Variants in CDH18 observed in about 807,000 individuals in gnomAD.
The protein encoded by CDH18 is cadherin 18.
In CDH18, 31 loss-of-function variants were observed where a neutral mutation model predicts 67.9. That is an observed-to-expected ratio of 0.46 (90% CI 0.34 to 0.62). The LOEUF is 0.62. CDH18 is among the 20% of genes least tolerant of loss of function. CDH18 has a pLI of 0.01. For synonymous variants in CDH18, 362 were observed against 347.2 expected, an observed-to-expected ratio of 1.04 and a Z score of -0.48; for missense variants, 890 against 975.5, an observed-to-expected ratio of 0.91 and a Z score of 1.17.
intron 11 of CDH18, among the ~76,000 whole-genome samples, chr5:19,500,816 A>T (rs966523292): frequency 6.6e-6 from 1 of 152,126 alleles, no homozygotes; most frequent in Non-Finnish European, 1.5e-5. Flanking sequence ...AAATCATTTA[A>T]TTAAGACATT....
intron 2 of CDH18, among the ~76,000 whole-genome samples, chr5:19,919,234 C>T (rs1579591967): frequency 6.6e-6 from 1 of 150,626 alleles, no homozygotes; most frequent in East Asian, 1.9e-4. Context: ...TGTCCCTCTT[C>T]ATCTGGCTGT....
chr5:19,612,339 T>A lies in CDH18; in HGVS notation c.811+95A>T, dbSNP rs1025727036. ...TAGTACAAAAACAGAACAATTCCAC[T>A]TAAGAAAACAGTAACATAACACTGT... On this transcript the variant is annotated intron_variant, in intron 6 of 12. Coordinates refer to ENST00000382275, the MANE Select transcript of CDH18 (RefSeq NM_004934.5). The A allele has an allele frequency of 1.9e-5, 24 of 1,247,164 alleles. No homozygotes were observed. In the African/African-American group the frequency reaches 3.3e-4, roughly 17 times the overall value. The allele number at this position is 1,247,164 out of a possible 1,614,324, so 77.3% of individuals were successfully genotyped here.
At chr5:20,461,704 C>A (rs896855107) in intron 1 of CDH18, among the ~76,000 whole-genome samples, 8 of 152,098 alleles carry the variant, frequency 5.3e-5, no homozygotes, top group African/African-American at 1.9e-4. Flanking sequence ...GACTCTTAAA[C>A]ATAGTATATA....
At chr5:20,177,405 T>A (rs1389466513) in intron 2 of CDH18, among the ~76,000 whole-genome samples, 2 of 152,154 alleles carry the variant, frequency 1.3e-5, no homozygotes, top group East Asian at 3.9e-4. Flanking sequence ...TCTATATGAA[T>A]CCATTTGAGA....
intron 1 of CDH18, among the ~76,000 whole-genome samples, chr5:20,300,677 C>G (rs1747907375): frequency 6.6e-6 from 1 of 152,124 alleles, no homozygotes; most frequent in African/African-American, 2.4e-5. Context: ...CCTCCCTGAT[C>G]TAATAAATAG....
intron 4 of CDH18, among the ~76,000 whole-genome samples, chr5:19,734,378 T>G (rs1768021785): frequency 6.6e-6 from 1 of 152,298 alleles, no homozygotes; most frequent in African/African-American, 2.4e-5. Flanking sequence ...GTGATATTTG[T>G]CTATTGATAA....
chr5:19,845,919 A>G (rs576692400), intron 2 of CDH18, among the ~76,000 whole-genome samples: 1 of 152,010 alleles, frequency 6.6e-6, no homozygotes, highest in African/African-American at 2.4e-5. Context: ...AAGTGAGTCT[A>G]TTGTAGAAAG....
rs752964465 is a variant in CDH18 at position 19,747,151 on chromosome 5, T to C, written c.314A>G (p.Asp105Gly). 5.0e-6 allele frequency: 8 copies of C among 1,613,874 alleles called. No homozygotes were observed. Among genetic ancestry groups the C allele is most frequent in the Non-Finnish European group, 6.8e-6 (8 of 1,179,862 alleles). The change falls in exon 4 of 13, where the codon GAT (aspartate) becomes GGT (glycine). Residue 105 changes from aspartate to glycine, a missense_variant. Physicochemically the swap from Asp to Gly is moderately conservative, Grantham distance 94. Transcript: ENST00000382275. ...EGAGTIFIIDDTTGDIHSTKS... is the reference protein window; with the variant it reads ...EGAGTIFIIDGTTGDIHSTKS... ...TGTTGAGTGGATATCACCCGTGGTA[T>C]CGTCAATGATAAATATAGTCCCAGC...
chr5:19,765,727 A>G (rs1404817417), intron 3 of CDH18, among the ~76,000 whole-genome samples: 1 of 152,068 alleles, frequency 6.6e-6, no homozygotes, highest in Non-Finnish European at 1.5e-5. Flanking sequence ...GTGTCTTTTT[A>G]AAGTTTTCCT....
chr5:19,541,536 G>A (rs574964445), intron 9 of CDH18, among the ~76,000 whole-genome samples: 27 of 152,220 alleles, frequency 1.8e-4, no homozygotes, highest in African/African-American at 6.5e-4. Flanking sequence ...AATTTATAAA[G>A]GAAAAAGGTT....
intron 1 of CDH18, among the ~76,000 whole-genome samples, chr5:20,265,778 A>G (rs994323208): frequency 1.3e-5 from 2 of 152,190 alleles, no homozygotes; most frequent in African/African-American, 4.8e-5. Context: ...AGATGTGAAG[A>G]TTAATTTTAT....
chr5:19,576,839 A>C (rs1742390812), intron 7 of CDH18, among the ~76,000 whole-genome samples: 1 of 152,226 alleles, frequency 6.6e-6, no homozygotes, highest in African/African-American at 2.4e-5. Context: ...AAAAAAACAA[A>C]GTATTCATCC....
At chr5:20,068,504 T>C (rs1743175291) in intron 2 of CDH18, among the ~76,000 whole-genome samples, 1 of 152,144 alleles carries the variant, frequency 6.6e-6, no homozygotes, top group Non-Finnish European at 1.5e-5. Context: ...TGTCTATAAT[T>C]ATTTTTTCTT....
At chr5:19,627,771 A>G (rs1375842169) in intron 5 of CDH18, among the ~76,000 whole-genome samples, 6 of 152,180 alleles carry the variant, frequency 3.9e-5, no homozygotes, top group Non-Finnish European at 8.8e-5. Flanking sequence ...AGGTCTAGGC[A>G]AAAAAGAATC....
chr5:19,963,365 A>C (rs1297735309), intron 2 of CDH18, among the ~76,000 whole-genome samples: 1 of 152,094 alleles, frequency 6.6e-6, no homozygotes, highest in Non-Finnish European at 1.5e-5. Flanking sequence ...AGCCTGGATA[A>C]TCAATATGGT....
At chr5:20,499,603 T>C (rs909912561) in intron 1 of CDH18, among the ~76,000 whole-genome samples, 20 of 152,120 alleles carry the variant, frequency 1.3e-4, no homozygotes, top group Non-Finnish European at 2.9e-4. Context: ...GTGCCTTAAT[T>C]TGTCATTTTG....
chr5:19,547,269 T>C (rs1736497484), intron 8 of CDH18, among the ~76,000 whole-genome samples: 1 of 152,222 alleles, frequency 6.6e-6, no homozygotes, highest in South Asian at 2.1e-4. Context: ...TATTTTATTA[T>C]CTAATGTTAA....
At chr5:19,572,459 C>G (rs1741595131) in intron 7 of CDH18, among the ~76,000 whole-genome samples, 2 of 152,166 alleles carry the variant, frequency 1.3e-5, no homozygotes, top group Non-Finnish European at 2.9e-5. Context: ...TCATTCCCTG[C>G]AGAGAAATTG....
At chr5:20,209,194 G>C (rs891006422) in intron 2 of CDH18, among the ~76,000 whole-genome samples, 1 of 152,052 alleles carries the variant, frequency 6.6e-6, no homozygotes, top group Non-Finnish European at 1.5e-5. Context: ...ACAGTATGTA[G>C]TTGCCATAAA....
Sources: gnomAD v4.1 joint callset for allele counts (sites outside exome capture counted in the v4.1 genomes callset) on GRCh38, gnomAD v4.1.1 for gene constraint, MANE v1.5 for transcripts, NCBI Gene and HGNC (gene_info 2026-07-23, HGNC 2026-07-21) for gene names.